Variants in NUP210 observed in about 807,000 individuals in gnomAD.
NUP210 encodes the protein nuclear pore membrane glycoprotein 210.
A neutral mutation model predicts 196.0 loss-of-function variants in NUP210; 151 were observed. The ratio of observed to expected loss-of-function variants is 0.77; its 90% CI spans 0.67 to 0.88. NUP210 has a LOEUF of 0.88. Ranked by LOEUF, NUP210 falls within the 40% of genes least tolerant of loss-of-function variation. The probability of loss-of-function intolerance (pLI) is 0.00; values close to 1 mark genes in which losing one functional copy is unlikely to be tolerated. For synonymous variants in NUP210, 1,070 were observed against 1,052.7 expected (o/e 1.02, Z -0.32); for missense variants, 2,314 against 2,493.7 (o/e 0.93, Z 1.53).
chr3:13,324,250 A>C (rs1576342024), intron 33 of NUP210, among the ~76,000 whole-genome samples: 1 of 150,876 alleles, frequency 6.6e-6, no homozygotes, highest in African/African-American at 2.4e-5. Context: ...CTCCCTGTCC[A>C]CCCTCAGAGA....
chr3:13,321,708 C>T lies in NUP210; in HGVS notation c.5043G>A (p.Val1681=), dbSNP rs763834541. ...CTGGGCTGAAGGGCACCTCGGCCCC[C>T]ACCTGCTCTGTGGAGAAGTGGCTGC... The part of the protein sequence containing the change: ...LSSSHFSTEQ[V]GAEVPFSPGL... The change falls in exon 36 of 40, where the codon GTG becomes GTA. Residue 1681 remains valine (V), a synonymous_variant. Transcript: ENST00000254508. 1.9e-6 allele frequency: 3 copies of T among 1,614,030 alleles called. No individual in the cohort carries two copies. Among genetic ancestry groups the T allele is most frequent in the East Asian group, 4.5e-5 (2 of 44,884 alleles).
At chr3:13,415,503 C>T (rs1389904147) in intron 1 of NUP210, among the ~76,000 whole-genome samples, 1 of 152,118 alleles carries the variant, frequency 6.6e-6, no homozygotes, top group Non-Finnish European at 1.5e-5. Context: ...AGAGATTTGG[C>T]CTAGGTGTGT....
intron 33 of NUP210, among the ~76,000 whole-genome samples, chr3:13,325,057 A>G (rs1382594916): frequency 6.6e-6 from 1 of 152,138 alleles, no homozygotes; most frequent in Non-Finnish European, 1.5e-5. Context: ...ACCTGCACCA[A>G]ACTGCCTGGA....
chr3:13,343,342 G>GGGGGGGGGGGGGC, intron 20 of NUP210, 39 bp from the exon 21 acceptor site: 7 of 655,966 alleles, frequency 1.1e-5, no homozygotes, highest in Admixed American at 2.5e-5. Flanking sequence ...TGGGTGGTGG[G>GGGGGGGGGGGGGC]TTACGCAGCT....
rs1696310873 is a variant in NUP210 at position 13,317,367 on chromosome 3, A to C, written c.*314T>G. On this transcript the variant is annotated 3_prime_UTR_variant, in exon 40 of 40. Transcript: ENST00000254508. ...TCTTGAGAAGGGAAAGATTTTAGCA[A>C]GGCTAGGAAAATAAAAATGCAACAG... 2.7e-6 allele frequency: 1 copy of C among 371,404 alleles called. No homozygotes were observed. The highest frequency in any genetic ancestry group is 2.6e-5 in the South Asian group (1 of 38,920). The allele number at this position is 371,404 out of a possible 1,614,324, so 23.0% of individuals were successfully genotyped here.
intron 15 of NUP210, 94 bp downstream of exon 15, chr3:13,360,176 G>T: frequency 9.5e-7 from 1 of 1,047,292 alleles, no homozygotes; most frequent in Non-Finnish European, 1.4e-6. Context: ...CTGTCTCTCA[G>T]CGTTACTCCA....
intron 20 of NUP210, 111 bp from the exon 21 acceptor site, chr3:13,343,414 C>T: frequency 1.5e-6 from 2 of 1,367,656 alleles, no homozygotes; most frequent in Non-Finnish European, 2.0e-6. Context: ...AGCCTATCAC[C>T]TCATGGGATG....
In NUP210 at chr3:13,325,902, T is replaced by C. The variant is rs547896534; in HGVS notation, c.4537A>G (p.Asn1513Asp). Residue 1513 changes from asparagine (N) to aspartate (D), a missense_variant, in exon 33 of 40, where the codon AAC becomes GAC. Coordinates refer to ENST00000254508, the MANE Select transcript of NUP210 (RefSeq NM_024923.4). ...GLSGTWSSSA[N>D]SILHIDPKTG... ...TTGGGGTCGATGTGGAGGATGCTGT[T>C]GGCCGAGGAGCTCCAGGTTCCTGAG... is the stretch of plus-strand genomic sequence containing the variant. 4 of 1,614,104 alleles carry C rather than the reference T, an allele frequency of 2.5e-6. No individual in the cohort carries two copies. In the East Asian group the frequency reaches 8.9e-5, roughly 36 times the overall value.
At chr3:13,398,005 G>A (rs1189407527) in intron 2 of NUP210, among the ~76,000 whole-genome samples, 1 of 152,192 alleles carries the variant, frequency 6.6e-6, no homozygotes, top group African/African-American at 2.4e-5. Context: ...GCATTACCTG[G>A]GGAACCCTCA....
intron 4 of NUP210, among the ~76,000 whole-genome samples, chr3:13,390,722 A>G (rs1531737): frequency 0.58 from 88,032 of 151,768 alleles, 26,798 homozygotes; most frequent in African/African-American, 0.77. Context: ...GCGCAAGCTC[A>G]TGTGGCTGCC....
At chr3:13,355,509 C>T (rs1285478681) in intron 16 of NUP210, among the ~76,000 whole-genome samples, 1 of 152,198 alleles carries the variant, frequency 6.6e-6, no homozygotes, top group African/African-American at 2.4e-5. Flanking sequence ...TGAGCTTGTG[C>T]CATGTGAAGC....
At chr3:13,399,049 A>G (rs1699753108) in intron 2 of NUP210, among the ~76,000 whole-genome samples, 1 of 152,122 alleles carries the variant, frequency 6.6e-6, no homozygotes, top group Non-Finnish European at 1.5e-5. Flanking sequence ...TGGGTGGATC[A>G]TGAGGTCAGG....
At chr3:13,399,885 T>C in intron 1 of NUP210, 24 bp from the exon 2 acceptor site, 2 of 1,586,120 alleles carry the variant, frequency 1.3e-6, no homozygotes, top group Non-Finnish European at 1.7e-6. Flanking sequence ...AGACAGCATT[T>C]ACTCTCTGGA....
At chr3:13,318,571 T>C (rs1696369772) in intron 39 of NUP210, among the ~76,000 whole-genome samples, 1 of 152,156 alleles carries the variant, frequency 6.6e-6, no homozygotes, top group African/African-American at 2.4e-5. Context: ...GGGCACTGCA[T>C]TGTTTGAGAG....
chr3:13,351,664 T>C lies in NUP210; in HGVS notation c.2835+215A>G, dbSNP rs1697976851. ...ACCATGCCCAGCTAATTTTTGATTT[T>C]TCTTTTTTTTTTTGTAGAGATGGGG... On this transcript the variant is annotated intron_variant, in intron 20 of 39. Coordinates refer to ENST00000254508, the MANE Select transcript of NUP210 (RefSeq NM_024923.4). The C allele has an allele frequency of 1.5e-5, 7 of 477,508 alleles. No individual in the cohort carries two copies. The Admixed American group carries it at 2.9e-4, about 19-fold the overall frequency. 29.6% of individuals were successfully genotyped at this position (477,508 alleles called of 1,614,324 possible).
rs1559318277 is a variant in NUP210 at position 13,343,317 on chromosome 3, G to T, written c.2836-14C>A. The T allele has an allele frequency of 1.2e-6, 2 of 1,612,260 alleles. No homozygotes were observed. Among genetic ancestry groups the T allele is most frequent in the South Asian group, 2.2e-5 (2 of 90,964 alleles). On this transcript the variant is annotated splice_polypyrimidine_tract_variant and intron_variant, in intron 20 of 39. Transcript: ENST00000254508. ...CAAAGGGTGCACCTGCAAGGTTGGG[G>T]CGGAGGTGGAGGGGTGGGTGGTGGG...
chr3:13,386,860 C>G (rs1699294762), intron 5 of NUP210, among the ~76,000 whole-genome samples: 1 of 152,148 alleles, frequency 6.6e-6, no homozygotes, highest in African/African-American at 2.4e-5. Context: ...TGACCCCTTC[C>G]CCTGCCCGCC....
Position 13,317,532 on chromosome 3 carries a change from C to G in NUP210, c.*149G>C, listed in dbSNP as rs1696316729. The G allele has an allele frequency of 1.5e-6, 1 of 658,120 alleles. No individual in the cohort carries two copies. Among genetic ancestry groups the G allele is most frequent in the South Asian group, 1.7e-5 (1 of 58,282 alleles). The allele number at this position is 658,120 out of a possible 1,614,324, so 40.8% of individuals were successfully genotyped here. A position where few individuals can be genotyped will look rare whatever the true frequency, so the allele number is the denominator to read the frequency against. ...CTAATGGGCAGAGCCGAAACTACAGCTCTGTGTGAAGAGACGGCAGTGAAG... is the reference window on the plus strand; with the variant it reads ...CTAATGGGCAGAGCCGAAACTACAGGTCTGTGTGAAGAGACGGCAGTGAAG... On this transcript the variant is annotated 3_prime_UTR_variant, in exon 40 of 40. Transcript: ENST00000254508.
chr3:13,376,278 G>A lies in NUP210; in HGVS notation c.1293+13C>T. 3.1e-6 allele frequency: 5 copies of A among 1,612,940 alleles called. No homozygotes were observed. Among genetic ancestry groups the A allele is most frequent in the Non-Finnish European group, 4.2e-6 (5 of 1,179,932 alleles). On this transcript the variant is annotated intron_variant, in intron 10 of 39. Transcript: ENST00000254508. ...ATAGGACAAGGCACGACGCAGGGGA[G>A]ACACCAACTTGCCTGGTCCACCACA...
Sources: allele counts gnomAD v4.1 joint callset (sites outside exome capture counted in the v4.1 genomes callset), GRCh38; gene constraint gnomAD v4.1.1; transcripts MANE v1.5; gene names NCBI Gene and HGNC (gene_info 2026-07-23, HGNC 2026-07-21).